The following SHC4 variants were observed in gnomAD, a reference collection of about 807,000 sequenced individuals.
The protein encoded by SHC4 is SHC adaptor protein 4, also known as SHC-transforming protein 4.
SHC4 carries 41 observed loss-of-function variants against 69.4 expected under a neutral mutation model. The observed-to-expected ratio is 0.59, with a 90% confidence interval of 0.46 to 0.77. SHC4 has a LOEUF of 0.77. Ranked by LOEUF, SHC4 falls within the 30% of genes least tolerant of loss-of-function variation. The pLI, the probability that SHC4 is intolerant of heterozygous loss-of-function variation, is 0.00. For missense variants in SHC4, 777 were observed against 783.8 expected, an observed-to-expected ratio of 0.99 and a Z score of 0.10; for synonymous variants, 318 against 299.3, an observed-to-expected ratio of 1.06 and a Z score of -0.64.
chr15:48,828,563 C>T (rs138504593), intron 11 of SHC4, among the ~76,000 whole-genome samples: 35 of 152,184 alleles, frequency 2.3e-4, no homozygotes, highest in South Asian at 1.0e-3. Flanking sequence ...TTTAATTTTT[C>T]GAGAAACCTC....
intron 6 of SHC4, among the ~76,000 whole-genome samples, chr15:48,863,983 A>G (rs1377934395): frequency 6.6e-6 from 1 of 152,208 alleles, no homozygotes; most frequent in Non-Finnish European, 1.5e-5. Flanking sequence ...GAAATGAGAT[A>G]ATGCAGATGG....
At chr15:48,897,755 T>TCA (rs1376574395) in intron 2 of SHC4, among the ~76,000 whole-genome samples, 2 of 25,784 alleles carry the variant, frequency 7.8e-5, no homozygotes, top group Admixed American at 5.7e-4. Context: ...CCCCACCTTC[T>TCA]GACACACACA....
intron 2 of SHC4, among the ~76,000 whole-genome samples, chr15:48,897,194 A>C (rs1460852161): frequency 6.6e-6 from 1 of 152,178 alleles, no homozygotes; most frequent in East Asian, 1.9e-4. Context: ...AGCCTGTATT[A>C]GAAAGAAAGA....
intron 1 of SHC4, 128 bp downstream of exon 1, chr15:48,962,303 G>T (rs1164510145): frequency 3.1e-6 from 3 of 953,010 alleles, no homozygotes; most frequent in African/African-American, 1.7e-5. Context: ...CCTCCGCCTT[G>T]GTCCAGTTGA....
Position 48,834,797 on chromosome 15 carries a change from T to C in SHC4, c.1709A>G (p.His570Arg). ...LSGLQGGQAK[H>R]LLLVDPEGKV... ...GCCTTCAGGATCCACCAGGAGAAGA[T>C]GTTTTGCTTGGCCTCCCTGTAGTCC... The change falls in exon 11 of 12, where the codon CAT becomes CGT. Residue 570 changes from histidine to arginine, a missense_variant. Transcript: ENST00000332408. 4 of 1,614,146 alleles carry C rather than the reference T, an allele frequency of 2.5e-6. No homozygotes were observed. Among genetic ancestry groups the C allele is most frequent in the Admixed American group, 1.7e-5 (1 of 60,030 alleles).
chr15:48,905,999 T>C (rs1900399105), intron 2 of SHC4, among the ~76,000 whole-genome samples: 1 of 152,140 alleles, frequency 6.6e-6, no homozygotes, highest in South Asian at 2.1e-4. Context: ...AATTGGGAGT[T>C]TCATTCCTGA....
intron 1 of SHC4, among the ~76,000 whole-genome samples, chr15:48,955,789 T>C (rs1901443164): frequency 6.6e-6 from 1 of 152,174 alleles, no homozygotes; most frequent in Admixed American, 6.5e-5. Context: ...TGTAGCATAT[T>C]TATTTCAGGA....
chr15:48,911,618 G>T (rs1028684750), intron 2 of SHC4, among the ~76,000 whole-genome samples: 1 of 152,106 alleles, frequency 6.6e-6, no homozygotes, highest in Non-Finnish European at 1.5e-5. Context: ...CGTGCTCTTT[G>T]TTGCCTGTGT....
chr15:48,878,076 G>A (rs1410628110), intron 4 of SHC4: 9 of 1,458,288 alleles, frequency 6.2e-6, no homozygotes, highest in Non-Finnish European at 7.3e-6. Flanking sequence ...CTGCGCGCGG[G>A]GTTACGCAAG....
chr15:48,856,207 A>G (rs1899311348), intron 7 of SHC4, 83 bp from the exon 8 acceptor site: 3 of 1,322,126 alleles, frequency 2.3e-6, no homozygotes, highest in Non-Finnish European at 1.0e-6. Context: ...AACCAAGCAA[A>G]TCATCCTGAA....
rs1339312646 is a variant in SHC4, at chr15:48,824,596, T to C, written c.*1375A>G. On this transcript the variant is annotated 3_prime_UTR_variant, in exon 12 of 12. Coordinates refer to ENST00000332408, the MANE Select transcript of SHC4 (RefSeq NM_203349.4). ...TTGATCTCAGGTGTGCCATTCATTCTGTGAGTATGGACACAGACTATAGAA... is the reference window on the plus strand; with the variant it reads ...TTGATCTCAGGTGTGCCATTCATTCCGTGAGTATGGACACAGACTATAGAA... The C allele has an allele frequency of 6.6e-6, 1 of 152,240 alleles. No individual in the cohort carries two copies. The highest frequency in any genetic ancestry group is 1.9e-4 in the East Asian group (1 of 5,202). The allele number at this position is 152,240 out of a possible 1,614,324, so 9.4% of individuals were successfully genotyped here.
At chr15:48,835,393 A>T (rs1348097230) in intron 10 of SHC4, among the ~76,000 whole-genome samples, 1 of 152,212 alleles carries the variant, frequency 6.6e-6, no homozygotes, top group Non-Finnish European at 1.5e-5. Flanking sequence ...TGGATTACAA[A>T]TAATTTCTAC....
At chr15:48,852,716 A>T (rs1055388095) in intron 8 of SHC4, among the ~76,000 whole-genome samples, 2 of 152,094 alleles carry the variant, frequency 1.3e-5, no homozygotes, top group Admixed American at 6.6e-5. Context: ...AGCCTCGCCA[A>T]CATGGGGAAA....
Position 48,962,880 on chromosome 15 carries a change from A to T in SHC4, c.136T>A (p.Ser46Thr). Residue 46 changes from serine to threonine, a missense_variant, in exon 1 of 12, where the codon TCC becomes ACC. By Grantham distance (58) the Ser-to-Thr change is moderately conservative (BLOSUM62 1). Coordinates refer to ENST00000332408, the MANE Select transcript of SHC4 (RefSeq NM_203349.4). ...ESITSLDEGS[S>T]GGSVGNKGSP... ...CCCTTGTTCCCGACCGAGCCTCCGG[A>T]GCTACCTTCGTCCAAGGACGTGATC... The T allele has an allele frequency of 6.2e-7, 1 of 1,613,300 alleles. No individual in the cohort carries two copies. The highest frequency in any genetic ancestry group is 8.5e-7 in the Non-Finnish European group (1 of 1,180,002).
At chr15:48,923,562 A>G (rs1244414556) in intron 2 of SHC4, among the ~76,000 whole-genome samples, 1 of 139,298 alleles carries the variant, frequency 7.2e-6, no homozygotes, top group African/African-American at 2.9e-5. Context: ...AAAAAAAAAC[A>G]AAAAAGAAAA....
chr15:48,851,217 T>C lies in SHC4; in HGVS notation c.1274A>G (p.Glu425Gly). The C allele has an allele frequency of 1.9e-6, 3 of 1,614,084 alleles. No individual in the cohort carries two copies. Among genetic ancestry groups the C allele is most frequent in the Non-Finnish European group, 2.5e-6 (3 of 1,179,974 alleles). The stretch of plus-strand genomic sequence containing the variant: ...TGCCCTGCTTTGTTCTAAACAGTTC[T>C]CATATACACTGCTGCACTTGGAGTT... The part of the protein sequence containing the change: ...PGNSKCSSVY[E>G]NCLEQSRAIG... The change falls in exon 9 of 12, where the codon GAG becomes GGG. Residue 425 changes from glutamate (E) to glycine (G), a missense_variant. Glu to Gly is a moderately conservative substitution (Grantham distance 98). Transcript: ENST00000332408.
chr15:48,866,862 C>CCTAA (rs1899571453), intron 6 of SHC4, among the ~76,000 whole-genome samples: 1 of 152,192 alleles, frequency 6.6e-6, no homozygotes, highest in African/African-American at 2.4e-5. Context: ...TAAGGAGGAA[C>CCTAA]CTAACACTTC....
intron 11 of SHC4, among the ~76,000 whole-genome samples, chr15:48,831,227 ACT>A (rs1595724474): frequency 6.6e-6 from 1 of 152,042 alleles, no homozygotes; most frequent in East Asian, 1.9e-4. Flanking sequence ...ATTACAGTAA[ACT>A]CAAGTTAATT....
chr15:48,850,926 T>C (rs1221765402), intron 9 of SHC4, among the ~76,000 whole-genome samples: 1 of 152,194 alleles, frequency 6.6e-6, no homozygotes, highest in East Asian at 1.9e-4. Flanking sequence ...AGAGCTTTCA[T>C]GATTTCAAGG....
Sources: gnomAD v4.1 joint callset for allele counts (sites outside exome capture counted in the v4.1 genomes callset) on GRCh38, gnomAD v4.1.1 for gene constraint, MANE v1.5 for transcripts, NCBI Gene and HGNC (gene_info 2026-07-23, HGNC 2026-07-21) for gene names.